TAF3: variants seen among roughly 807,000 people sequenced by gnomAD.
The protein encoded by TAF3 is transcription initiation factor TFIID subunit 3.
TAF3 carries 7 observed loss-of-function variants against 80.6 expected under a neutral mutation model. That is an observed-to-expected ratio of 0.09 (90% CI 0.05 to 0.16). The LOEUF (loss-of-function observed/expected upper bound fraction) is 0.16, where lower values mean the gene tolerates loss of function less well. Among genes scored for constraint, TAF3 ranks in the 10% least tolerant of loss-of-function variants. The probability of loss-of-function intolerance (pLI) is 1.00; values close to 1 mark genes in which losing one functional copy is unlikely to be tolerated. For missense variants in TAF3, 921 were observed against 1,140.2 expected, an observed-to-expected ratio of 0.81 and a Z score of 2.77; for synonymous variants, 444 against 446.1, an observed-to-expected ratio of 1.00 and a Z score of 0.06.
At chr10:7,938,390 C>G (rs537393786) in intron 2 of TAF3, among the ~76,000 whole-genome samples, 1 of 152,150 alleles carries the variant, frequency 6.6e-6, no homozygotes, top group Non-Finnish European at 1.5e-5. Flanking sequence ...GATGGGCGGG[C>G]CTCGCCTAAG....
chr10:7,908,791 T>A lies in TAF3; in HGVS notation c.410-55129T>A, dbSNP rs145385059. The stretch of plus-strand genomic sequence containing the variant: ...ACAGATTAGTTTGGATCTTCTGTGT[T>A]TGAAGTGGTTATGAAGAGCTGCCTG... On this transcript the variant is annotated intron_variant, in intron 2 of 6. Transcript: ENST00000344293. Among the ~76,000 whole-genome samples the A allele has an allele frequency of 2.6e-3, 392 of 152,358 alleles. 2 individuals are homozygous for A. The highest frequency in any genetic ancestry group is 8.9e-3 in the African/African-American group (372 of 41,576).
At chr10:7,884,671 C>T (rs761527155) in intron 2 of TAF3, among the ~76,000 whole-genome samples, 17 of 152,070 alleles carry the variant, frequency 1.1e-4, no homozygotes, top group African/African-American at 1.7e-4. Flanking sequence ...TACAGGCGTG[C>T]GCCGCTGCGC....
Position 8,009,314 on chromosome 10 carries a change from C to T in TAF3, c.2552C>T (p.Thr851Met), listed in dbSNP as rs1832029963. ...KAPVRSVVTE[T>M]VSTYVIRDEW... ...CCCGTGCGCAGCGTGGTGACTGAGA[C>T]GGTCAGCACCTACGTGGTGCGTACC... Residue 851 changes from threonine to methionine, a missense_variant, in exon 5 of 7, where the codon ACG becomes ATG. This residue lies in a region of TAF3 where 27 missense variants were observed against 42.5 expected (regional missense o/e 0.64). Transcript: ENST00000344293. The surrounding 1 kb of genome is among the most constrained non-coding windows in gnomAD (Gnocchi z 4.1). 1.3e-6 allele frequency: 2 copies of T among 1,590,698 alleles called. No homozygotes were observed. Among genetic ancestry groups the T allele is most frequent in the Admixed American group, 1.7e-5 (1 of 57,908 alleles).
intron 2 of TAF3, among the ~76,000 whole-genome samples, chr10:7,948,380 C>T (rs987686469): frequency 2.0e-5 from 3 of 151,962 alleles, no homozygotes; most frequent in Non-Finnish European, 4.4e-5. Context: ...TGAACCAGTG[C>T]GCCCAGCCTT....
intron 3 of TAF3, among the ~76,000 whole-genome samples, chr10:7,968,318 G>A (rs1176940695): frequency 6.6e-6 from 1 of 152,144 alleles, no homozygotes; most frequent in Admixed American, 6.6e-5. Flanking sequence ...ACCCAGATCG[G>A]CAAGCAAGAG....
At chr10:7,874,312 C>T (rs1319693854) in intron 2 of TAF3, among the ~76,000 whole-genome samples, 1 of 152,082 alleles carries the variant, frequency 6.6e-6, no homozygotes, top group Non-Finnish European at 1.5e-5. Context: ...TAAAGAAATG[C>T]AAAAGGACAG....
chr10:7,995,016 T>G (rs1428291175), intron 4 of TAF3, among the ~76,000 whole-genome samples: 1 of 151,024 alleles, frequency 6.6e-6, no homozygotes, highest in African/African-American at 2.4e-5. Context: ...ATCCTGAGTC[T>G]TAAGAGCATT....
chr10:7,910,529 C>T (rs1167918516), intron 2 of TAF3, among the ~76,000 whole-genome samples: 8 of 151,980 alleles, frequency 5.3e-5, no homozygotes, highest in African/African-American at 1.2e-4. Context: ...TACAGGTGCC[C>T]GCCATCACGC....
intron 2 of TAF3, among the ~76,000 whole-genome samples, chr10:7,946,727 C>CAAAAAAAAAAA (rs60415433): frequency 6.6e-4 from 99 of 150,632 alleles, no homozygotes; most frequent in Non-Finnish European, 1.1e-3. Flanking sequence ...TGGTCTCAAA[C>CAAAAAAAAAAA]GAAAAAAAAA....
At chr10:7,994,592 TCCCAC>T (rs1831866358) in intron 4 of TAF3, among the ~76,000 whole-genome samples, 1 of 152,084 alleles carries the variant, frequency 6.6e-6, no homozygotes, top group Admixed American at 6.5e-5. Context: ...CAAGCGATTC[TCCCAC>T]CTCAGCCTCC....
chr10:7,949,559 C>G (rs1054737754), intron 2 of TAF3, among the ~76,000 whole-genome samples: 1 of 152,198 alleles, frequency 6.6e-6, no homozygotes, highest in Non-Finnish European at 1.5e-5. Context: ...GCTTTAATAA[C>G]TAGAACAATG....
At chr10:7,878,701 G>GTATA (rs1260835912) in intron 2 of TAF3, among the ~76,000 whole-genome samples, 1 of 57,210 alleles carries the variant, frequency 1.7e-5, no homozygotes, top group African/African-American at 3.8e-5. Flanking sequence ...ATGTATGTAT[G>GTATA]TATGTATGTA....
chr10:7,948,713 A>C lies in TAF3; in HGVS notation c.410-15207A>C, dbSNP rs1258373459. 2.0e-5 allele frequency among the ~76,000 whole-genome samples: 3 copies of C among 152,218 alleles called. No individual in the cohort carries two copies. In the East Asian group the frequency reaches 5.8e-4, roughly 29 times the overall value. ...GTTGGAATGAGACAGGGATAGATAC[A>C]TAACAACCAAAAGCTTAAATACTGA... is the stretch of plus-strand genomic sequence containing the variant. On this transcript the variant is annotated intron_variant, in intron 2 of 6. Transcript: ENST00000344293.
At chr10:7,963,869 G>T (rs1411684199) in intron 2 of TAF3, 51 bp from the exon 3 acceptor site, 36 of 1,448,132 alleles carry the variant, frequency 2.5e-5, no homozygotes, top group Non-Finnish European at 3.1e-5. Context: ...CTTAGGTTTT[G>T]TTACATTCCA....
At chr10:7,950,162 A>G (rs1838068467) in intron 2 of TAF3, among the ~76,000 whole-genome samples, 1 of 152,242 alleles carries the variant, frequency 6.6e-6, no homozygotes. Flanking sequence ...ATGCATGAAC[A>G]GTCAAACAGT....
rs1831611841 is a variant in TAF3, at chr10:7,970,457, C to T, written c.2232+4715C>T. On this transcript the variant is annotated intron_variant, in intron 3 of 6. Transcript: ENST00000344293. ...TGCTGTAGCCAGTGAGGGGAGGGGG[C>T]CCAGGCCTGTCTGCCCGAGGCCTGT... Among the ~76,000 whole-genome samples the T allele has an allele frequency of 2.0e-5, 3 of 152,164 alleles. No individual in the cohort carries two copies. In the East Asian group the frequency reaches 5.8e-4, roughly 29 times the overall value.
chr10:7,874,429 C>G (rs1427392737), intron 2 of TAF3, among the ~76,000 whole-genome samples: 1 of 152,068 alleles, frequency 6.6e-6, no homozygotes, highest in Non-Finnish European at 1.5e-5. Context: ...CTGCATAAAT[C>G]AGATTTCTGC....
At chr10:7,831,828 T>C (rs1005690374) in intron 2 of TAF3, among the ~76,000 whole-genome samples, 16 of 152,202 alleles carry the variant, frequency 1.1e-4, no homozygotes, top group African/African-American at 3.9e-4. Flanking sequence ...ATGCTTGGTA[T>C]AAATTATCTG....
intron 2 of TAF3, among the ~76,000 whole-genome samples, chr10:7,889,810 C>CATCT (rs1305339759): frequency 6.6e-6 from 1 of 152,180 alleles, no homozygotes; most frequent in Non-Finnish European, 1.5e-5. Context: ...CTTTCACACT[C>CATCT]ATCTCATCAG....
Sources: gnomAD v4.1 joint callset for allele counts (sites outside exome capture counted in the v4.1 genomes callset) on GRCh38, gnomAD v4.1.1 for gene constraint, gnomAD v4.1.1 regional missense constraint, Gnocchi (gnomAD v3.1) non-coding constraint, MANE v1.5 for transcripts, NCBI Gene and HGNC (gene_info 2026-07-23, HGNC 2026-07-21) for gene names.